Variants in DLC1 observed in about 807,000 individuals in gnomAD.
DLC1 encodes the protein rho GTPase-activating protein 7.
In DLC1, 54 loss-of-function variants were observed where a neutral mutation model predicts 140.3. That is an observed-to-expected ratio of 0.38 (90% CI 0.31 to 0.48). The LOEUF is 0.48. Among genes scored for constraint, DLC1 ranks in the 20% least tolerant of loss-of-function variants. The pLI, the probability that DLC1 is intolerant of heterozygous loss-of-function variation, is 0.96. For synonymous variants in DLC1, 986 were observed against 728.1 expected (o/e 1.35, Z -5.70); for missense variants, 2,536 against 1,907.0 (o/e 1.33, Z -6.14).
chr8:13,453,426 G>A (rs373213671), intron 2 of DLC1, among the ~76,000 whole-genome samples: 291 of 12,398 alleles, frequency 0.023, 4 homozygotes, highest in African/African-American at 0.044. Flanking sequence ...ATATATATGT[G>A]TATATATATA....
chr8:13,593,654 C>G (rs1409826287), intron 1 of DLC1, among the ~76,000 whole-genome samples: 1 of 151,958 alleles, frequency 6.6e-6, no homozygotes, highest in East Asian at 1.9e-4. Context: ...CAATGGAACC[C>G]CGCCCGATTC....
At chr8:13,208,935 T>C (rs780818445) in intron 5 of DLC1, among the ~76,000 whole-genome samples, 1 of 152,220 alleles carries the variant, frequency 6.6e-6, no homozygotes, top group Non-Finnish European at 1.5e-5. Flanking sequence ...ATATCATTTA[T>C]AATGTGTGCA....
At chr8:13,525,647 C>A (rs1802898662) in intron 1 of DLC1, among the ~76,000 whole-genome samples, 1 of 152,164 alleles carries the variant, frequency 6.6e-6, no homozygotes, top group African/African-American at 2.4e-5. Context: ...AGGGTCTCTT[C>A]ATGTGTTTTG....
chr8:13,287,579 T>C (rs1831577727), intron 5 of DLC1, among the ~76,000 whole-genome samples: 1 of 152,174 alleles, frequency 6.6e-6, no homozygotes, highest in Admixed American at 6.5e-5. Flanking sequence ...TTGGTATTTG[T>C]ACATCTCTCA....
intron 2 of DLC1, among the ~76,000 whole-genome samples, chr8:13,402,032 G>T (rs1406023115): frequency 8.6e-5 from 13 of 152,002 alleles, no homozygotes; most frequent in Non-Finnish European, 1.5e-4. Context: ...TATATTTTTG[G>T]AAGACTCTTT....
intron 1 of DLC1, among the ~76,000 whole-genome samples, chr8:13,566,152 G>C (rs1172598869): frequency 6.6e-6 from 1 of 152,068 alleles, no homozygotes; most frequent in Non-Finnish European, 1.5e-5. Flanking sequence ...CACATAGTTG[G>C]ACACTATTTA....
intron 2 of DLC1, among the ~76,000 whole-genome samples, chr8:13,437,267 A>T (rs935385648): frequency 6.6e-6 from 1 of 152,192 alleles, no homozygotes; most frequent in East Asian, 1.9e-4. Flanking sequence ...AGATGATGGG[A>T]CAGTGTATTT....
intron 1 of DLC1, among the ~76,000 whole-genome samples, chr8:13,542,458 T>G (rs909948714): frequency 1.3e-5 from 2 of 152,182 alleles, no homozygotes; most frequent in Admixed American, 1.3e-4. Flanking sequence ...TAACTGTATA[T>G]TAAGTCTGAT....
intron 6 of DLC1, among the ~76,000 whole-genome samples, chr8:13,112,099 T>A (rs1234318259): frequency 6.6e-6 from 1 of 152,100 alleles, no homozygotes; most frequent in Non-Finnish European, 1.5e-5. Flanking sequence ...TGCAGTGAAC[T>A]CTGATTATAC....
chr8:13,456,664 G>C (rs1799403749), intron 2 of DLC1, among the ~76,000 whole-genome samples: 2 of 151,988 alleles, frequency 1.3e-5, no homozygotes, highest in Admixed American at 6.6e-5. Context: ...TCACCATGTG[G>C]GCCAGGCTGG....
intron 5 of DLC1, among the ~76,000 whole-genome samples, chr8:13,300,406 C>T (rs1307818249): frequency 6.6e-6 from 1 of 152,168 alleles, no homozygotes; most frequent in East Asian, 1.9e-4. Context: ...AACAAATTTG[C>T]ACATCCTGCA....
intron 4 of DLC1, among the ~76,000 whole-genome samples, chr8:13,362,751 G>GGCCC (rs925745670): frequency 5.2e-4 from 79 of 152,192 alleles, no homozygotes; most frequent in African/African-American, 1.6e-3. Flanking sequence ...CAGCCACACT[G>GGCCC]GCCCCTTCCC....
intron 4 of DLC1, among the ~76,000 whole-genome samples, chr8:13,314,953 A>G (rs1832808741): frequency 6.6e-6 from 1 of 152,222 alleles, no homozygotes; most frequent in African/African-American, 2.4e-5. Context: ...AATGTACACC[A>G]TGATACCAGG....
At chr8:13,532,000 C>G (rs1803115081) in intron 1 of DLC1, among the ~76,000 whole-genome samples, 4 of 152,204 alleles carry the variant, frequency 2.6e-5, no homozygotes, top group Non-Finnish European at 4.4e-5. Context: ...GAAAGATTTT[C>G]TAGTCTCCAG....
chr8:13,365,863 A>C (rs537436715), intron 4 of DLC1, among the ~76,000 whole-genome samples: 2 of 152,294 alleles, frequency 1.3e-5, no homozygotes, highest in Admixed American at 1.3e-4. Context: ...AGTTCCCCAT[A>C]TGAGAGGCAC....
At chr8:13,210,218 T>C (rs1009083755) in intron 5 of DLC1, among the ~76,000 whole-genome samples, 2 of 152,244 alleles carry the variant, frequency 1.3e-5, no homozygotes, top group African/African-American at 4.8e-5. Flanking sequence ...AAACACAGCA[T>C]AGTCCAAGAG....
intron 1 of DLC1, among the ~76,000 whole-genome samples, chr8:13,604,170 C>G (rs1277911694): frequency 2.6e-5 from 4 of 152,038 alleles, no homozygotes; most frequent in African/African-American, 9.7e-5. Context: ...ATTATCATCT[C>G]CTTTAAATTT....
chr8:13,261,683 A>G lies in DLC1; in HGVS notation c.1348+43586T>C, dbSNP rs543863894. Among the ~76,000 whole-genome samples the G allele has an allele frequency of 2.6e-5, 4 of 152,264 alleles. No individual in the cohort carries two copies. The East Asian group carries it at 7.7e-4, about 29-fold the overall frequency. The stretch of plus-strand genomic sequence containing the variant: ...TCAGCGTCTAGATGCATTTGCAGGT[A>G]CAGATGATAGGATTGGCTGATGGAA... On this transcript the variant is annotated intron_variant, in intron 5 of 17. Transcript: ENST00000276297.
chr8:13,094,419 A>G (rs985046555), intron 12 of DLC1, among the ~76,000 whole-genome samples: 4 of 152,042 alleles, frequency 2.6e-5, no homozygotes, highest in Non-Finnish European at 4.4e-5. Flanking sequence ...TAATCCTAGC[A>G]CTCTGGGAGG....
Sources: gnomAD v4.1 joint callset for allele counts (sites outside exome capture counted in the v4.1 genomes callset) on GRCh38, gnomAD v4.1.1 for gene constraint, MANE v1.5 for transcripts, NCBI Gene and HGNC (gene_info 2026-07-23, HGNC 2026-07-21) for gene names.